Variants in GTF2F2 observed in about 807,000 individuals in gnomAD.
GTF2F2 encodes the protein ATP-dependent helicase GTF2F2.
In GTF2F2, 23 loss-of-function variants were observed where a neutral mutation model predicts 42.2. That is an observed-to-expected ratio of 0.55 (90% confidence interval 0.39 to 0.77). The LOEUF (loss-of-function observed/expected upper bound fraction) is 0.77, where lower values mean the gene tolerates loss of function less well. Ranked by LOEUF, GTF2F2 falls within the 30% of genes least tolerant of loss-of-function variation. GTF2F2 has a pLI of 0.00. For missense variants in GTF2F2, 261 were observed against 287.2 expected, an observed-to-expected ratio of 0.91 and a Z score of 0.66; for synonymous variants, 105 against 100.8, an observed-to-expected ratio of 1.04 and a Z score of -0.25.
intron 1 of GTF2F2, among the ~76,000 whole-genome samples, chr13:45,124,336 C>T (rs1229144821): frequency 6.6e-6 from 1 of 151,768 alleles, no homozygotes; most frequent in African/African-American, 2.4e-5. Flanking sequence ...CCCGCCTCTG[C>T]CTCCCAAAGT....
intron 2 of GTF2F2, among the ~76,000 whole-genome samples, chr13:45,141,399 G>T (rs1869918468): frequency 6.6e-6 from 1 of 152,080 alleles, no homozygotes. Context: ...ATCCACATAG[G>T]GTGGCTAAAC....
intron 2 of GTF2F2, 22 bp from the exon 3 acceptor site, chr13:45,149,748 T>A: frequency 6.7e-7 from 1 of 1,502,202 alleles, no homozygotes. Context: ...TTATTTTAAA[T>A]ATTTCTTTTC....
chr13:45,220,933 A>ATGTGTG (rs1217166794), intron 5 of GTF2F2: 1 of 138,890 alleles, frequency 7.2e-6, no homozygotes, highest in African/African-American at 2.9e-5. Flanking sequence ...TCTGCTTAAA[A>ATGTGTG]TGTATGTGTG....
chr13:45,275,225 G>A (rs1326623210), intron 7 of GTF2F2, among the ~76,000 whole-genome samples: 1 of 152,086 alleles, frequency 6.6e-6, no homozygotes, highest in Non-Finnish European at 1.5e-5. Flanking sequence ...GCTGTCCTCA[G>A]TATGAGAGAT....
intron 2 of GTF2F2, among the ~76,000 whole-genome samples, chr13:45,140,145 GTC>G (rs1188527880): frequency 1.3e-5 from 2 of 149,588 alleles, no homozygotes; most frequent in East Asian, 3.9e-4. Context: ...TAGAGGCAGA[GTC>G]TCCCTGTGTT....
At chr13:45,250,429 C>A (rs1376718590) in intron 5 of GTF2F2, among the ~76,000 whole-genome samples, 1 of 152,138 alleles carries the variant, frequency 6.6e-6, no homozygotes, top group Non-Finnish European at 1.5e-5. Context: ...TTCTTTTTAT[C>A]AGTATGCAGT....
intron 5 of GTF2F2, among the ~76,000 whole-genome samples, chr13:45,232,899 T>A (rs1566144309): frequency 6.6e-6 from 1 of 152,194 alleles, no homozygotes; most frequent in Non-Finnish European, 1.5e-5. Flanking sequence ...TTTGGAGAAG[T>A]TAGTATAGCC....
At chr13:45,276,993 C>G (rs1039812253) in intron 7 of GTF2F2, among the ~76,000 whole-genome samples, 15 of 151,984 alleles carry the variant, frequency 9.9e-5, no homozygotes, top group African/African-American at 3.4e-4. Flanking sequence ...ATTTCATCAC[C>G]CATCTGTGTG....
At chr13:45,124,018 CT>C in intron 1 of GTF2F2, 1 of 1,123,408 alleles carries the variant, frequency 8.9e-7, no homozygotes, top group South Asian at 1.2e-5. Context: ...GGTCTTACTC[CT>C]TAGAGGCCAT....
At chr13:45,128,883 A>G (rs1285426892) in intron 1 of GTF2F2, among the ~76,000 whole-genome samples, 2 of 152,082 alleles carry the variant, frequency 1.3e-5, no homozygotes, top group African/African-American at 4.8e-5. Context: ...GTGAGCCACC[A>G]TGCCCGACAC....
chr13:45,244,060 G>A (rs559812108), intron 5 of GTF2F2, among the ~76,000 whole-genome samples: 2 of 152,270 alleles, frequency 1.3e-5, no homozygotes, highest in South Asian at 2.1e-4. Context: ...ATTTTGACAA[G>A]GGTGATTATG....
chr13:45,232,674 A>G (rs1874744696), intron 5 of GTF2F2, among the ~76,000 whole-genome samples: 1 of 151,878 alleles, frequency 6.6e-6, no homozygotes, highest in South Asian at 2.1e-4. Flanking sequence ...CATTATAGTA[A>G]TTTTTCCAGT....
At chr13:45,186,333 C>G (rs1872423765) in intron 4 of GTF2F2, among the ~76,000 whole-genome samples, 1 of 150,284 alleles carries the variant, frequency 6.7e-6, no homozygotes, top group Admixed American at 6.7e-5. Context: ...GCCCCGTCAC[C>G]CAAACTGGAG....
chr13:45,282,749 C>G (rs1348695938), intron 7 of GTF2F2, among the ~76,000 whole-genome samples: 1 of 152,206 alleles, frequency 6.6e-6, no homozygotes, highest in Non-Finnish European at 1.5e-5. Flanking sequence ...AGGTGATCTG[C>G]CCACTTCAGC....
chr13:45,126,405 C>A (rs1477754500), intron 1 of GTF2F2, among the ~76,000 whole-genome samples: 1 of 152,032 alleles, frequency 6.6e-6, no homozygotes. Flanking sequence ...GCGTGCACCA[C>A]GACTCCTGGC....
At chr13:45,144,530 G>A (rs1016077681) in intron 2 of GTF2F2, among the ~76,000 whole-genome samples, 2 of 144,708 alleles carry the variant, frequency 1.4e-5, no homozygotes, top group Non-Finnish European at 3.0e-5. Context: ...GCGCGATCTC[G>A]GCTTGGGTTC....
intron 4 of GTF2F2, among the ~76,000 whole-genome samples, chr13:45,202,641 A>G (rs906839751): frequency 6.6e-6 from 1 of 152,146 alleles, no homozygotes; most frequent in African/African-American, 2.4e-5. Context: ...TAAACATTTT[A>G]TCTTAAAACT....
At chr13:45,237,952 T>C (rs1410399108) in intron 5 of GTF2F2, among the ~76,000 whole-genome samples, 1 of 150,048 alleles carries the variant, frequency 6.7e-6, no homozygotes, top group Non-Finnish European at 1.5e-5. Context: ...AGGTTTCTGT[T>C]TGTTTGTTTG....
intron 4 of GTF2F2, among the ~76,000 whole-genome samples, chr13:45,198,228 C>A (rs1873000074): frequency 6.6e-6 from 1 of 152,208 alleles, no homozygotes; most frequent in African/African-American, 2.4e-5. Flanking sequence ...CTCATTCCAG[C>A]AGGAATTCCC....
Sources: allele counts gnomAD v4.1 joint callset (sites outside exome capture counted in the v4.1 genomes callset), GRCh38; gene constraint gnomAD v4.1.1; transcripts MANE v1.5; gene names NCBI Gene and HGNC (gene_info 2026-07-23, HGNC 2026-07-21).